The following FAM234A variants were observed in gnomAD, a reference collection of about 807,000 sequenced individuals.
The protein encoded by FAM234A is protein FAM234A.
A neutral mutation model predicts 49.1 loss-of-function variants in FAM234A; 42 were observed. That is an observed-to-expected ratio of 0.86 (90% CI 0.67 to 1.11). The LOEUF (loss-of-function observed/expected upper bound fraction) is 1.11. FAM234A is among the 50% of genes least tolerant of loss of function. The pLI is 0.00. For synonymous variants in FAM234A, 369 were observed against 316.2 expected, an observed-to-expected ratio of 1.17 and a Z score of -1.77; for missense variants, 815 against 745.2, an observed-to-expected ratio of 1.09 and a Z score of -1.09.
chr16:268,017 C>T (rs1172736030), downstream of FAM234A, among the ~76,000 whole-genome samples: 1 of 141,720 alleles, frequency 7.1e-6, no homozygotes, highest in Non-Finnish European at 1.5e-5. Context: ...ACACACACCA[C>T]ATATGCATGC....
rs538870635 is a variant in FAM234A at position 244,261 on chromosome 16, C to T, written c.-139-5288C>T. On this transcript the variant is annotated intron_variant, in intron 1 of 12. Coordinates refer to ENST00000399932, the MANE Select transcript of FAM234A (RefSeq NM_032039.4). Reference sequence around the variant, plus strand: ...GGGATTACAGGCGTGAGCCACCGCGCCCGGTCGGAAAATGATTTTAATGGA... The same window carrying T: ...GGGATTACAGGCGTGAGCCACCGCGTCCGGTCGGAAAATGATTTTAATGGA... Among the ~76,000 whole-genome samples the T allele has an allele frequency of 3.3e-5, 5 of 152,324 alleles. No homozygotes were observed. The South Asian group carries it at 6.2e-4, about 19-fold the overall frequency.
chr16:260,157 A>G lies in FAM234A; in HGVS notation c.574A>G (p.Thr192Ala). 1 of 1,613,358 alleles carries G rather than the reference A, an allele frequency of 6.2e-7. No individual in the cohort carries two copies. The highest frequency in any genetic ancestry group is 8.5e-7 in the Non-Finnish European group (1 of 1,179,876). The change falls in exon 5 of 13, where the codon ACA becomes GCA. Residue 192 changes from threonine (T) to alanine (A), a missense_variant. Coordinates refer to ENST00000399932, the MANE Select transcript of FAM234A (RefSeq NM_032039.4). The stretch of plus-strand genomic sequence containing the variant: ...TTCTTTCATTGCAGTCAACTTGTTC[A>G]CAGGTAGGCCAGCCAGGCAGCGGGG... ...PSSFIAVNLFTGETLWNHSSS... is the reference protein window; with the variant it reads ...PSSFIAVNLFAGETLWNHSSS...
At chr16:257,038 G>A (rs888293117) in intron 3 of FAM234A, among the ~76,000 whole-genome samples, 12 of 151,586 alleles carry the variant, frequency 7.9e-5, no homozygotes, top group Admixed American at 2.0e-4. Context: ...CACCACGCTT[G>A]GCCGTAACTT....
rs2051575001 is a variant in FAM234A, at chr16:263,690, A to G, written c.1113-10A>G. 6.2e-7 allele frequency: 1 copy of G among 1,610,794 alleles called. No individual in the cohort carries two copies. ...GACCCCTCGTGAGCGCTTCCTCCAT[A>G]TTGTTCCAGAAAACCCATCTTCGGC... On this transcript the variant is annotated splice_polypyrimidine_tract_variant and intron_variant, in intron 9 of 12. Coordinates refer to ENST00000399932, the MANE Select transcript of FAM234A (RefSeq NM_032039.4).
chr16:251,017 T>C (rs958053733), intron 2 of FAM234A, among the ~76,000 whole-genome samples: 1 of 152,070 alleles, frequency 6.6e-6, no homozygotes, highest in Non-Finnish European at 1.5e-5. Flanking sequence ...AGTGCAATGG[T>C]GCAATCTTGG....
chr16:259,403 G>A, intron 3 of FAM234A, 80 bp from the exon 4 acceptor site: 1 of 799,852 alleles, frequency 1.3e-6, no homozygotes, highest in Non-Finnish European at 2.2e-6. Flanking sequence ...ATGTAGCAGA[G>A]AAGTAGGTCG....
chr16:247,768 C>A (rs963517137), intron 1 of FAM234A, among the ~76,000 whole-genome samples: 3 of 152,052 alleles, frequency 2.0e-5, no homozygotes, highest in African/African-American at 7.3e-5. Flanking sequence ...CTCACAAACT[C>A]TTTTGATCTT....
At chr16:269,648 C>A, downstream of FAM234A, 2 of 1,301,346 alleles carry the variant, frequency 1.5e-6, no homozygotes, top group Admixed American at 1.8e-5. Flanking sequence ...CAGCTCCACC[C>A]GAAGGAGCAG....
At chr16:246,021 A>G (rs905984269) in intron 1 of FAM234A, among the ~76,000 whole-genome samples, 1 of 151,924 alleles carries the variant, frequency 6.6e-6, no homozygotes, top group African/African-American at 2.4e-5. Context: ...CCTGATCATC[A>G]TGGTGAAACC....
intron 1 of FAM234A, among the ~76,000 whole-genome samples, chr16:235,906 A>C (rs1268952122): frequency 2.0e-5 from 3 of 151,806 alleles, no homozygotes; most frequent in Admixed American, 1.3e-4. Flanking sequence ...TCATCCCAGC[A>C]CTTTGGGAGG....
rs780517648 is a variant in FAM234A, at chr16:262,404, C to T, written c.842-20C>T. ...ACAGCGTGACCCTGGTGACCTCGGG[C>T]CCTTCTGTGTTTTGAATAGCAAGCT... is the stretch of plus-strand genomic sequence containing the variant. On this transcript the variant is annotated intron_variant, in intron 7 of 12. Coordinates refer to ENST00000399932, the MANE Select transcript of FAM234A (RefSeq NM_032039.4). The T allele has an allele frequency of 6.3e-7, 1 of 1,582,736 alleles. No homozygotes were observed. Among genetic ancestry groups the T allele is most frequent in the Non-Finnish European group, 8.6e-7 (1 of 1,162,444 alleles).
intron 2 of FAM234A, among the ~76,000 whole-genome samples, chr16:250,491 G>C (rs370914067): frequency 1.1e-4 from 16 of 152,142 alleles, no homozygotes; most frequent in Admixed American, 8.5e-4. Context: ...TTGATTTTCC[G>C]TGTTCTAACT....
At chr16:263,631 C>G (rs2051570864) in intron 9 of FAM234A, 69 bp from the exon 10 acceptor site, 2 of 1,377,264 alleles carry the variant, frequency 1.5e-6, no homozygotes, top group Non-Finnish European at 2.1e-6. Flanking sequence ...GGACGTGTTC[C>G]TGGGTGCTTC....
intron 5 of FAM234A, chr16:261,080 A>G: frequency 3.4e-6 from 1 of 296,774 alleles, no homozygotes; most frequent in Non-Finnish European, 6.6e-6. Context: ...GGACACGCAG[A>G]TAGGAGAAAA....
intron 9 of FAM234A, 85 bp from the exon 10 acceptor site, chr16:263,615 A>AGGGGCGGACGTGTTCCT: frequency 7.7e-7 from 1 of 1,305,924 alleles, no homozygotes; most frequent in Non-Finnish European, 1.1e-6. Context: ...TGGGAGACTG[A>AGGGGCGGACGTGTTCCT]GGGGCGGACG....
At position 262,213 on chromosome 16, in the gene FAM234A, C is replaced by G. The variant is rs2051494697; in HGVS notation, c.829C>G (p.Leu277Val). 1.2e-6 allele frequency: 2 copies of G among 1,614,014 alleles called. No homozygotes were observed. Among genetic ancestry groups the G allele is most frequent in the Non-Finnish European group, 8.5e-7 (1 of 1,180,008 alleles). ...CACCAGGACAGGTGCCCACTACATCCTCTTTCCCTGCGGTACGTTGTTTCT... is the reference window on the plus strand; with the variant it reads ...CACCAGGACAGGTGCCCACTACATCGTCTTTCCCTGCGGTACGTTGTTTCT... ...HVTRTGAHYI[L>V]FPCASSLCGC... Residue 277 changes from leucine to valine, a missense_variant, in exon 7 of 13, where the codon CTC (leucine) becomes GTC (valine). Transcript: ENST00000399932.
downstream of FAM234A, chr16:268,839 G>A (rs1477385990): frequency 1.9e-6 from 3 of 1,550,432 alleles, no homozygotes; most frequent in South Asian, 3.6e-5. Context: ...AGACCTGCAT[G>A]TCCGCGTCTT....
chr16:247,821 G>C (rs1394713284), intron 1 of FAM234A, among the ~76,000 whole-genome samples: 2 of 152,020 alleles, frequency 1.3e-5, no homozygotes, highest in African/African-American at 2.4e-5. Context: ...CGGCTGGCTC[G>C]GTTTTAGAAA....
At chr16:240,362 T>G (rs894724461) in intron 1 of FAM234A, 6 of 152,232 alleles carry the variant, frequency 3.9e-5, no homozygotes. Flanking sequence ...CTTAAATAGC[T>G]TTCTTTCTGC....
Sources: gnomAD v4.1 joint callset for allele counts (sites outside exome capture counted in the v4.1 genomes callset) on GRCh38, gnomAD v4.1.1 for gene constraint, MANE v1.5 for transcripts, NCBI Gene and HGNC (gene_info 2026-07-23, HGNC 2026-07-21) for gene names.